FRMPD4: variants seen among roughly 807,000 people sequenced by gnomAD.
The protein encoded by FRMPD4 is FERM and PDZ domain containing 4, also known as FERM and PDZ domain-containing protein 4.
FRMPD4 carries 22 observed loss-of-function variants against 94.1 expected under a neutral mutation model. The observed-to-expected ratio is 0.23, with a 90% CI of 0.17 to 0.33. FRMPD4 has a LOEUF of 0.33. Among genes scored for constraint, FRMPD4 ranks in the 10% least tolerant of loss-of-function variants. FRMPD4 has a pLI of 1.00. For missense variants in FRMPD4, 1,111 were observed against 1,339.9 expected, an observed-to-expected ratio of 0.83 and a Z score of 2.67; for synonymous variants, 631 against 548.6, an observed-to-expected ratio of 1.15 and a Z score of -2.10.
At chrX:12,662,357 C>T (rs1216272858) in intron 4 of FRMPD4, among the ~76,000 whole-genome samples, 2 of 109,830 alleles carry the variant, frequency 1.8e-5, no homozygotes, top group East Asian at 2.8e-4. Flanking sequence ...CCCTAGCCCC[C>T]CACCCCCCGA....
intron 3 of FRMPD4, among the ~76,000 whole-genome samples, chrX:11,952,126 T>C (rs1293446096): frequency 8.9e-6 from 1 of 112,622 alleles, no homozygotes; most frequent in Admixed American, 9.4e-5. Flanking sequence ...GTTTAGTGTG[T>C]TCACAAGGTC....
intron 1 of FRMPD4, among the ~76,000 whole-genome samples, chrX:12,205,184 G>A (rs2056678191): frequency 9.1e-6 from 1 of 109,445 alleles, no homozygotes; most frequent in African/African-American, 3.3e-5. Context: ...TGTTCCCAGT[G>A]CACCTAGGCA....
intron 3 of FRMPD4, among the ~76,000 whole-genome samples, chrX:12,130,093 AG>A (rs201419905): frequency 0.041 from 3,208 of 79,099 alleles, 61 homozygotes; most frequent in African/African-American, 0.09. Flanking sequence ...GGAAAAAGGG[AG>A]CCAGCGGAAG....
intron 1 of FRMPD4, among the ~76,000 whole-genome samples, chrX:12,176,331 G>A (rs893874100): frequency 2.7e-5 from 3 of 111,324 alleles, no homozygotes; most frequent in African/African-American, 9.8e-5. Context: ...AAAATACTTC[G>A]TATTCCTTTT....
At chrX:11,867,022 T>C (rs1049285416) in intron 2 of FRMPD4, among the ~76,000 whole-genome samples, 3 of 111,137 alleles carry the variant, frequency 2.7e-5, no homozygotes, top group African/African-American at 9.8e-5. Context: ...GGGATTACAA[T>C]ATTAATAATA....
chrX:12,305,509 C>T (rs2054921309), intron 1 of FRMPD4, among the ~76,000 whole-genome samples: 2 of 109,830 alleles, frequency 1.8e-5, no homozygotes, highest in South Asian at 7.9e-4. Context: ...GCTGAAGTGT[C>T]CTAGGCAGCA....
intron 1 of FRMPD4, among the ~76,000 whole-genome samples, chrX:12,178,497 C>A (rs2056321292): frequency 9.3e-6 from 1 of 108,013 alleles, no homozygotes. Context: ...TCTTGAGTTG[C>A]GATTGGGTGG....
At chrX:12,539,752 G>C (rs1414122969) in intron 2 of FRMPD4, among the ~76,000 whole-genome samples, 1 of 110,485 alleles carries the variant, frequency 9.1e-6, no homozygotes, top group African/African-American at 3.3e-5. Context: ...TCCTGCCTCA[G>C]CCTCCCTAGT....
intron 3 of FRMPD4, among the ~76,000 whole-genome samples, chrX:12,039,467 AC>A (rs1233778698): frequency 1.1e-4 from 12 of 111,054 alleles, no homozygotes; most frequent in Admixed American, 5.7e-4. Flanking sequence ...CAGCTCAAAT[AC>A]TTTCTAATTT....
chrX:12,656,868 C>T (rs1399707420), intron 4 of FRMPD4, among the ~76,000 whole-genome samples: 1 of 111,269 alleles, frequency 9.0e-6, no homozygotes, highest in African/African-American at 3.3e-5. Context: ...GCAGGCAGAT[C>T]ACCTGAGGCT....
At chrX:12,276,484 G>C (rs1444724190) in intron 1 of FRMPD4, among the ~76,000 whole-genome samples, 3 of 112,397 alleles carry the variant, frequency 2.7e-5, no homozygotes, top group African/African-American at 9.7e-5. Flanking sequence ...ATTGGCAATT[G>C]GTTGAAATAG....
At chrX:12,713,088 GA>G (rs775657133) in intron 14 of FRMPD4, among the ~76,000 whole-genome samples, 35 of 97,665 alleles carry the variant, frequency 3.6e-4, no homozygotes, top group African/African-American at 5.9e-4. Flanking sequence ...GTGTCTAAAA[GA>G]AAAAAAAAAA....
chrX:12,370,158 T>C (rs1569249525), intron 1 of FRMPD4, among the ~76,000 whole-genome samples: 2 of 111,533 alleles, frequency 1.8e-5, no homozygotes, highest in South Asian at 3.8e-4. Flanking sequence ...TTGCTTCCAA[T>C]TGGTCACTTC....
chrX:12,581,235 C>A (rs748943226), intron 2 of FRMPD4, among the ~76,000 whole-genome samples: 4 of 112,304 alleles, frequency 3.6e-5, no homozygotes, highest in Non-Finnish European at 7.5e-5. Flanking sequence ...AATATAACAT[C>A]ACAATGTCCA....
At chrX:12,134,182 C>A (rs1022569740), upstream of FRMPD4, among the ~76,000 whole-genome samples, 3 of 112,307 alleles carry the variant, frequency 2.7e-5, no homozygotes, top group Non-Finnish European at 3.8e-5. Flanking sequence ...TTATAGAAGT[C>A]TTCCTGAACC....
rs1569137639 is a variant in FRMPD4 at position 11,987,097 on chromosome X, T to TCAAAAAAAAAAAAAAAA, written c.95+109079_95+109080insCAAAAAAAAAAAAAAAA. 4.8e-4 allele frequency among the ~76,000 whole-genome samples: 7 copies of TCAAAAAAAAAAAAAAAA among 14,649 alleles called. 1 individual carries two copies. The highest frequency in any genetic ancestry group is 3.3e-3 in the African/African-American group (7 of 2,103). The allele number at this position is 14,649 out of a possible 115,157, so 12.7% of individuals were successfully genotyped here. A position where few individuals can be genotyped will look rare whatever the true frequency, so the allele number is the denominator to read the frequency against. On this transcript the variant is annotated intron_variant, in intron 3 of 18. Coordinates refer to the FRMPD4 transcript ENST00000640291. ...GATACCAAGACCAGGCAAAGACACA[T>TCAAAAAAAAAAAAAAAA]TAAAAAAAAAAAAAAAAAAAAAAAA...
chrX:12,130,020 T>C (rs4830761), intron 3 of FRMPD4, among the ~76,000 whole-genome samples: 25,330 of 109,687 alleles, frequency 0.23, 2,102 homozygotes, highest in South Asian at 0.39. Context: ...GTTAACCCTC[T>C]GCATCAATTA....
chrX:12,054,773 G>A (rs1211643831), intron 3 of FRMPD4: 1 of 111,860 alleles, frequency 8.9e-6, no homozygotes, highest in Non-Finnish European at 1.9e-5. Context: ...GAAAGGAAGT[G>A]TATATCAATT....
intron 9 of FRMPD4, among the ~76,000 whole-genome samples, chrX:12,699,515 G>A (rs1423795016): frequency 6.2e-5 from 7 of 112,562 alleles, no homozygotes; most frequent in South Asian, 3.7e-4. Flanking sequence ...CAGCACCGGT[G>A]CAGCATGGGT....
Sources: allele counts gnomAD v4.1 joint callset (sites outside exome capture counted in the v4.1 genomes callset), GRCh38; gene constraint gnomAD v4.1.1; transcripts MANE v1.5; gene names NCBI Gene and HGNC (gene_info 2026-07-23, HGNC 2026-07-21).